ANTXRL: variants seen among roughly 807,000 people sequenced by gnomAD.
The protein encoded by ANTXRL is ANTXR like.
In ANTXRL, 63 loss-of-function variants were observed where a neutral mutation model predicts 75.4. The observed-to-expected ratio is 0.84, with a 90% CI of 0.68 to 1.03. ANTXRL has a LOEUF of 1.03. Among genes scored for constraint, ANTXRL ranks in the 50% least tolerant of loss-of-function variants. The probability of loss-of-function intolerance (pLI) is 0.00; values close to 1 mark genes in which losing one functional copy is unlikely to be tolerated. For synonymous variants in ANTXRL, 335 were observed against 291.3 expected (o/e 1.15, Z -1.53); for missense variants, 797 against 789.4 (o/e 1.01, Z -0.12).
Position 46,297,128 on chromosome 10 carries a change from G to C in ANTXRL, c.509-124G>C. 6 of 759,104 alleles carry C rather than the reference G, an allele frequency of 7.9e-6. No homozygotes were observed. The South Asian group carries it at 1.1e-4, about 13-fold the overall frequency. 47.0% of individuals were successfully genotyped at this position (759,104 alleles called of 1,614,324 possible). On this transcript the variant is annotated intron_variant, in intron 5 of 16. Transcript: ENST00000620264. Reference sequence around the variant, plus strand: ...GCCTCTCCTCTGGAGGATGAGGTGGGGGCACGTGGCCATGCCCTGGAGTGG... The same window carrying C: ...GCCTCTCCTCTGGAGGATGAGGTGGCGGCACGTGGCCATGCCCTGGAGTGG...
rs1838524583 is a variant in ANTXRL, at chr10:46,313,132, G to C, written c.1330-104G>C. On this transcript the variant is annotated intron_variant, in intron 15 of 16. Coordinates refer to ENST00000620264, the MANE Select transcript of ANTXRL (RefSeq NM_001278688.3). ...CAGAGGGGGATGGGAGCTTTGTCTGGGTGTTTTCCTGGGCACAGAGCTGTG... is the reference window on the plus strand; with the variant it reads ...CAGAGGGGGATGGGAGCTTTGTCTGCGTGTTTTCCTGGGCACAGAGCTGTG... 2.6e-5 allele frequency: 27 copies of C among 1,032,580 alleles called. 1 individual carries two copies. The South Asian group carries it at 3.7e-4, about 14-fold the overall frequency. The allele number at this position is 1,032,580 out of a possible 1,614,324, so 64.0% of individuals were successfully genotyped here. A position where few individuals can be genotyped will look rare whatever the true frequency, so the allele number is the denominator to read the frequency against.
At position 46,306,791 on chromosome 10, in the gene ANTXRL, A is replaced by G. The variant is rs1435845240; in HGVS notation, c.896-12A>G. On this transcript the variant is annotated splice_polypyrimidine_tract_variant and intron_variant, in intron 10 of 16. Transcript: ENST00000620264. ...GGTGCACTGACATTCTTCTCATGTC[A>G]TTTTCTTTTAGATGAAAAGCCAACC... 13 of 1,522,276 alleles carry G rather than the reference A, an allele frequency of 8.5e-6. No homozygotes were observed. Among genetic ancestry groups the G allele is most frequent in the Non-Finnish European group, 1.1e-5 (13 of 1,140,364 alleles). The allele number at this position is 1,522,276 out of a possible 1,614,324, so 94.3% of individuals were successfully genotyped here. A position where few individuals can be genotyped will look rare whatever the true frequency, so the allele number is the denominator to read the frequency against.
rs1554967247 is a variant in ANTXRL at position 46,329,837 on chromosome 10, C to T, written c.1649C>T (p.Pro550Leu). The T allele has an allele frequency of 1.3e-6, 2 of 1,535,072 alleles. No individual in the cohort carries two copies. Among genetic ancestry groups the T allele is most frequent in the African/African-American group, 1.4e-5 (1 of 73,058 alleles). ...SRECLARKQAPCSPRICLRHS... is the reference protein window; with the variant it reads ...SRECLARKQALCSPRICLRHS... ...GAGTGCCTTGCCCGCAAACAGGCTC[C>T]CTGCAGCCCAAGGATCTGCCTGAGA... Residue 550 changes from proline (P) to leucine (L), a missense_variant, in exon 17 of 17, where the codon CCC (proline) becomes CTC (leucine). Pro to Leu is a moderately conservative substitution (Grantham distance 98). Coordinates refer to ENST00000620264, the MANE Select transcript of ANTXRL (RefSeq NM_001278688.3).
chr10:46,321,755 G>A (rs1296433361), intron 16 of ANTXRL, among the ~76,000 whole-genome samples: 13 of 152,082 alleles, frequency 8.5e-5, no homozygotes, highest in African/African-American at 3.1e-4. Context: ...AGAGGCATGC[G>A]GTTCTGTTAC....
At chr10:46,293,552 T>TGA (rs1554957464) in intron 2 of ANTXRL, among the ~76,000 whole-genome samples, 3 of 127,622 alleles carry the variant, frequency 2.4e-5, no homozygotes, top group Non-Finnish European at 5.2e-5. Flanking sequence ...TGCATATGTG[T>TGA]GTGAGTGTGT....
intron 12 of ANTXRL, 64 bp from the exon 13 acceptor site, chr10:46,309,049 C>T (rs1838266461): frequency 1.3e-6 from 2 of 1,533,532 alleles, no homozygotes; most frequent in Admixed American, 2.0e-5. Flanking sequence ...AGATGGGCCA[C>T]CAAGTGGTGG....
intron 16 of ANTXRL, among the ~76,000 whole-genome samples, chr10:46,316,907 A>T (rs1838756871): frequency 6.6e-6 from 1 of 151,866 alleles, no homozygotes; most frequent in East Asian, 1.9e-4. Flanking sequence ...AGATGTGCAC[A>T]TCAGGTGGAT....
chr10:46,309,813 G>A (rs2132806691), intron 13 of ANTXRL, among the ~76,000 whole-genome samples: 1 of 152,288 alleles, frequency 6.6e-6, no homozygotes, highest in South Asian at 2.1e-4. Context: ...GTCCTGTCAT[G>A]GCTGAGGGTG....
In ANTXRL at chr10:46,287,404, A is replaced by G. The variant is rs1836808786; in HGVS notation, c.142A>G (p.Arg48Gly). Residue 48 changes from arginine to glycine, a missense_variant, in exon 1 of 17, where the codon AGG (arginine) becomes GGG (glycine). Physicochemically the swap from Arg to Gly is moderately radical, Grantham distance 125. Coordinates refer to ENST00000620264, the MANE Select transcript of ANTXRL (RefSeq NM_001278688.3). Reference protein sequence around the residue: ...RIFHRLALGSRRAHHHHGPGW... With the variant: ...RIFHRLALGSGRAHHHHGPGW... ...ATTTCACCGCCTGGCCCTGGGCTCC[A>G]GGAGAGCCCACCACCACCATGGCCC... The G allele has an allele frequency of 2.0e-6, 3 of 1,535,728 alleles. No individual in the cohort carries two copies. The highest frequency in any genetic ancestry group is 2.6e-6 in the Non-Finnish European group (3 of 1,146,732).
rs1429113797 is a variant in ANTXRL, at chr10:46,287,090, C to T, written c.-173C>T. ...AGCCAGCTGCTGACCCTAGTCCCTG[C>T]GATCTGGGGAGGTACCTGGTGGAGG... On this transcript the variant is annotated 5_prime_UTR_variant, in exon 1 of 17. Coordinates refer to ENST00000620264, the MANE Select transcript of ANTXRL (RefSeq NM_001278688.3). 21 of 832,020 alleles carry T rather than the reference C, an allele frequency of 2.5e-5. No individual in the cohort carries two copies. Among genetic ancestry groups the T allele is most frequent in the South Asian group, 7.4e-5 (4 of 54,342 alleles). 51.5% of individuals were successfully genotyped at this position (832,020 alleles called of 1,614,324 possible). A position where few individuals can be genotyped will look rare whatever the true frequency, so the allele number is the denominator to read the frequency against.
chr10:46,322,295 A>G (rs1839016064), intron 16 of ANTXRL, among the ~76,000 whole-genome samples: 2 of 151,994 alleles, frequency 1.3e-5, no homozygotes, highest in African/African-American at 4.8e-5. Context: ...CATCTCCATT[A>G]AAAATATAAA....
intron 16 of ANTXRL, 118 bp from the exon 17 acceptor site, chr10:46,329,481 C>T: frequency 1.5e-6 from 2 of 1,333,908 alleles, no homozygotes; most frequent in Non-Finnish European, 2.0e-6. Context: ...CACAGCAAGG[C>T]CCACCCTGTG....
intron 9 of ANTXRL, among the ~76,000 whole-genome samples, chr10:46,301,473 G>C (rs112086846): frequency 6.6e-6 from 1 of 152,198 alleles, no homozygotes; most frequent in African/African-American, 2.4e-5. Flanking sequence ...GGCACCTTGA[G>C]CAGGAAGAGT....
rs1287905801 is a variant in ANTXRL at position 46,309,002 on chromosome 10, C to T, written c.1045-111C>T. The T allele has an allele frequency of 5.8e-5, 84 of 1,457,984 alleles. 2 individuals carry two copies. The South Asian group carries it at 9.2e-4, about 16-fold the overall frequency. 90.3% of individuals were successfully genotyped at this position (1,457,984 alleles called of 1,614,324 possible). On this transcript the variant is annotated intron_variant, in intron 12 of 16. Transcript: ENST00000620264. The stretch of plus-strand genomic sequence containing the variant: ...TGGCCGCTGGCCCCACTGTAGTACC[C>T]GGATGCGGGGCCAGCTAGGGAGAGT...
chr10:46,304,957 C>T (rs1473761633), intron 10 of ANTXRL, among the ~76,000 whole-genome samples: 8 of 152,210 alleles, frequency 5.3e-5, no homozygotes, highest in Non-Finnish European at 7.3e-5. Context: ...ACCGACGTCT[C>T]ACAGTGGGGA....
chr10:46,292,633 G>C (rs1234374312), intron 2 of ANTXRL, among the ~76,000 whole-genome samples: 2 of 152,132 alleles, frequency 1.3e-5, no homozygotes, highest in East Asian at 1.9e-4. Context: ...TTAGCTCAGG[G>C]AGGGCTGGGA....
chr10:46,307,811 C>G (rs1436310358), intron 12 of ANTXRL, among the ~76,000 whole-genome samples: 2 of 152,156 alleles, frequency 1.3e-5, no homozygotes, highest in Admixed American at 6.5e-5. Flanking sequence ...ATGACCCTGG[C>G]CCCTGAGCCT....
At chr10:46,294,378 G>C (rs1451022391) in intron 3 of ANTXRL, among the ~76,000 whole-genome samples, 1 of 152,120 alleles carries the variant, frequency 6.6e-6, no homozygotes, top group Non-Finnish European at 1.5e-5. Flanking sequence ...AGACTGGGGA[G>C]CCCCTGGGTG....
At position 46,321,462 on chromosome 10, in the gene ANTXRL, C is replaced by T. The variant is rs1458401952; in HGVS notation, c.1411-8137C>T. ...TACAGTCCCAAGAGTCTGAAGGGGC[C>T]TTTCTGAGTTGTGAAATGCAGACCC... On this transcript the variant is annotated intron_variant, in intron 16 of 16. Transcript: ENST00000620264. 3.9e-5 allele frequency among the ~76,000 whole-genome samples: 6 copies of T among 152,242 alleles called. No individual in the cohort carries two copies. The South Asian group carries it at 6.2e-4, about 16-fold the overall frequency.
Sources: gnomAD v4.1 joint callset for allele counts (sites outside exome capture counted in the v4.1 genomes callset) on GRCh38, gnomAD v4.1.1 for gene constraint, MANE v1.5 for transcripts, NCBI Gene and HGNC (gene_info 2026-07-23, HGNC 2026-07-21) for gene names.